The following CMSS1 variants were observed in gnomAD, a reference collection of about 807,000 sequenced individuals.
CMSS1 encodes cms1 ribosomal small subunit homolog, also known as protein CMSS1.
In CMSS1, 33 loss-of-function variants were observed where a neutral mutation model predicts 43.5. The observed-to-expected ratio is 0.76, with a 90% CI of 0.57 to 1.01. CMSS1 has a LOEUF of 1.01. CMSS1 is among the 50% of genes least tolerant of loss of function. The pLI is 0.00. For synonymous variants in CMSS1, 115 were observed against 117.2 expected, an observed-to-expected ratio of 0.98 and a Z score of 0.12; for missense variants, 313 against 326.4, an observed-to-expected ratio of 0.96 and a Z score of 0.32.
intron 1 of CMSS1, among the ~76,000 whole-genome samples, chr3:99,941,349 C>T (rs1707845492): frequency 1.3e-5 from 2 of 152,166 alleles, no homozygotes; most frequent in African/African-American, 2.4e-5. Flanking sequence ...ATGTTCAATG[C>T]ACAAAGTGTT....
At chr3:100,020,527 A>G (rs1023704242) in intron 1 of CMSS1, among the ~76,000 whole-genome samples, 3 of 152,158 alleles carry the variant, frequency 2.0e-5, no homozygotes, top group African/African-American at 7.2e-5. Context: ...GAGACTTAGC[A>G]TTGCTTTGGC....
chr3:99,969,623 A>T (rs1423409175), intron 1 of CMSS1, among the ~76,000 whole-genome samples: 3 of 152,150 alleles, frequency 2.0e-5, no homozygotes, highest in Admixed American at 6.5e-5. Flanking sequence ...TTTTCCAGAG[A>T]TTGGAGAGCA....
intron 1 of CMSS1, among the ~76,000 whole-genome samples, chr3:100,118,643 C>T (rs1215444690): frequency 6.6e-6 from 1 of 152,148 alleles, no homozygotes; most frequent in Admixed American, 6.6e-5. Flanking sequence ...AAAATTCCAT[C>T]TCCGTTTAAG....
intron 1 of CMSS1, among the ~76,000 whole-genome samples, chr3:99,884,375 T>G (rs553233734): frequency 6.6e-6 from 1 of 152,222 alleles, no homozygotes; most frequent in Non-Finnish European, 1.5e-5. Context: ...TTTAAACTAT[T>G]TTCATGTATT....
At chr3:99,848,759 TG>T in intron 1 of CMSS1, 1 of 1,614,226 alleles carries the variant, frequency 6.2e-7, no homozygotes, top group Non-Finnish European at 8.5e-7. Flanking sequence ...ATTGGGGACA[TG>T]CCTTGTTCTA....
chr3:100,118,044 T>C (rs1212551132), intron 1 of CMSS1, among the ~76,000 whole-genome samples: 2 of 150,846 alleles, frequency 1.3e-5, no homozygotes, highest in East Asian at 3.9e-4. Context: ...GTCAAATTCA[T>C]AGAAATAGAA....
chr3:99,823,615 G>A (rs909959472), intron 1 of CMSS1, among the ~76,000 whole-genome samples: 2 of 152,092 alleles, frequency 1.3e-5, no homozygotes, highest in African/African-American at 4.8e-5. Context: ...TTCTAACAGG[G>A]CTCAGAGTTT....
At chr3:99,877,204 T>G (rs771030066) in intron 1 of CMSS1, among the ~76,000 whole-genome samples, 1 of 152,234 alleles carries the variant, frequency 6.6e-6, no homozygotes, top group Admixed American at 6.5e-5. Flanking sequence ...AAGCTTCAGA[T>G]GAGTAATTTT....
intron 1 of CMSS1, among the ~76,000 whole-genome samples, chr3:100,021,952 TGTGTGTGTGAGAGAGAGA>T (rs1361257457): frequency 1.9e-3 from 216 of 111,506 alleles, no homozygotes; most frequent in Admixed American, 9.3e-3. Context: ...TGTGTGTGTG[TGTGTGTGTGAGAGAGAGA>T]GAGAGAGAGA....
At chr3:100,021,025 A>C (rs1357676096) in intron 1 of CMSS1, among the ~76,000 whole-genome samples, 1 of 152,216 alleles carries the variant, frequency 6.6e-6, no homozygotes, top group Non-Finnish European at 1.5e-5. Flanking sequence ...TTGGCCTCGC[A>C]AAGTGCTAGG....
At chr3:99,934,928 G>C (rs1191119145) in intron 1 of CMSS1, among the ~76,000 whole-genome samples, 1 of 152,192 alleles carries the variant, frequency 6.6e-6, no homozygotes, top group Non-Finnish European at 1.5e-5. Flanking sequence ...CATTCTCACT[G>C]ATTAATGAAG....
intron 1 of CMSS1, among the ~76,000 whole-genome samples, chr3:100,119,019 G>A (rs1455937914): frequency 2.0e-5 from 3 of 152,032 alleles, no homozygotes; most frequent in African/African-American, 7.2e-5. Context: ...CTGAGCTTCG[G>A]TTTCCTCCTC....
At chr3:99,850,094 C>T (rs1187624026) in intron 1 of CMSS1, 4 of 1,613,048 alleles carry the variant, frequency 2.5e-6, no homozygotes, top group Non-Finnish European at 3.4e-6. Flanking sequence ...TTATTTTGCT[C>T]CACTTGAAGC....
At chr3:99,931,143 G>A in intron 1 of CMSS1, 1 of 865,578 alleles carries the variant, frequency 1.2e-6, no homozygotes, top group Non-Finnish European at 1.8e-6. Context: ...CAGCCCCAAA[G>A]TCAATCTTTT....
At chr3:100,064,947 AT>A (rs1215112834) in intron 1 of CMSS1, among the ~76,000 whole-genome samples, 1 of 152,212 alleles carries the variant, frequency 6.6e-6, no homozygotes, top group African/African-American at 2.4e-5. Context: ...TGCAATGTAT[AT>A]CTACTAACAT....
intron 1 of CMSS1, among the ~76,000 whole-genome samples, chr3:99,989,085 G>A (rs533484698): frequency 3.3e-5 from 5 of 152,132 alleles, no homozygotes; most frequent in Non-Finnish European, 7.4e-5. Flanking sequence ...TTTGTTTTGT[G>A]ATTCACTCAC....
chr3:99,847,720 C>T (rs181707095), intron 1 of CMSS1, among the ~76,000 whole-genome samples: 10 of 152,258 alleles, frequency 6.6e-5, no homozygotes, highest in African/African-American at 2.4e-4. Context: ...TCTTATAGTT[C>T]ACTTTGAAAT....
At chr3:100,154,258 GAC>G (rs774810209) in intron 2 of CMSS1, among the ~76,000 whole-genome samples, 54 of 151,950 alleles carry the variant, frequency 3.6e-4, no homozygotes, top group Non-Finnish European at 7.1e-4. Flanking sequence ...ATTTTTAATT[GAC>G]ACATAATAAT....
intron 1 of CMSS1, among the ~76,000 whole-genome samples, chr3:99,995,145 T>C (rs1187708773): frequency 6.6e-6 from 1 of 152,046 alleles, no homozygotes; most frequent in African/African-American, 2.4e-5. Flanking sequence ...GCCAGTAAAA[T>C]CAAAAGCAAG....
Sources: gnomAD v4.1 joint callset for allele counts (sites outside exome capture counted in the v4.1 genomes callset) on GRCh38, gnomAD v4.1.1 for gene constraint, MANE v1.5 for transcripts, NCBI Gene and HGNC (gene_info 2026-07-23, HGNC 2026-07-21) for gene names.